Variants in AGFG1 observed in about 807,000 individuals in gnomAD.
AGFG1 encodes the protein ArfGAP with FG repeats 1.
In AGFG1, 10 loss-of-function variants were observed where a neutral mutation model predicts 60.6. The ratio of observed to expected loss-of-function variants is 0.16; its 90% confidence interval spans 0.10 to 0.28. The LOEUF (loss-of-function observed/expected upper bound fraction) is 0.28, where lower values mean the gene tolerates loss of function less well. AGFG1 is among the 10% of genes least tolerant of loss of function. AGFG1 has a pLI of 1.00. For missense variants in AGFG1, 537 were observed against 676.5 expected, an observed-to-expected ratio of 0.79 and a Z score of 2.29; for synonymous variants, 247 against 242.9, an observed-to-expected ratio of 1.02 and a Z score of -0.16.
intron 5 of AGFG1, among the ~76,000 whole-genome samples, chr2:227,525,710 T>C (rs938135364): frequency 6.6e-6 from 1 of 152,226 alleles, no homozygotes; most frequent in Non-Finnish European, 1.5e-5. Context: ...CAAGTTCCTA[T>C]GTTCTATTTC....
rs777830762 is a variant in AGFG1, at chr2:227,534,856, G to A, written c.1036G>A (p.Gly346Arg). 1 of 1,613,402 alleles carries A rather than the reference G, an allele frequency of 6.2e-7. No homozygotes were observed. The highest frequency in any genetic ancestry group is 8.5e-7 in the Non-Finnish European group (1 of 1,179,612). ...TTGTTCGTTCCCAGGTGGTGATCAG[G>A]GAAGTGGCTTTGGGACCACAGGTAA... ...IFSAGQGGDQ[G>R]SGFGTTGKAP... Residue 346 changes from glycine (G) to arginine (R), a missense_variant, in exon 8 of 13, where the codon GGA becomes AGA. Physicochemically the swap from Gly to Arg is moderately radical, Grantham distance 125. Coordinates refer to ENST00000310078, the MANE Select transcript of AGFG1 (RefSeq NM_004504.5).
At chr2:227,537,319 A>G (rs545105544) in intron 10 of AGFG1, among the ~76,000 whole-genome samples, 1 of 152,166 alleles carries the variant, frequency 6.6e-6, no homozygotes, top group Non-Finnish European at 1.5e-5. Flanking sequence ...ATTTAGATGT[A>G]TTTGGTGGTC....
At chr2:227,497,650 G>T (rs1691013557) in intron 2 of AGFG1, among the ~76,000 whole-genome samples, 1 of 150,742 alleles carries the variant, frequency 6.6e-6, no homozygotes, top group Non-Finnish European at 1.5e-5. Flanking sequence ...CATCTCTGTG[G>T]CATAATCTTG....
At chr2:227,528,596 T>C (rs556040572) in intron 5 of AGFG1, among the ~76,000 whole-genome samples, 1 of 152,350 alleles carries the variant, frequency 6.6e-6, no homozygotes, top group Admixed American at 6.5e-5. Flanking sequence ...TTAGGATTAT[T>C]GAAATGTAAT....
chr2:227,520,440 T>C (rs944078865), intron 3 of AGFG1, among the ~76,000 whole-genome samples: 1 of 152,240 alleles, frequency 6.6e-6, no homozygotes, highest in Admixed American at 6.5e-5. Context: ...TTGAGTTTCA[T>C]CTTCTGTATA....
chr2:227,482,309 A>T lies in AGFG1; in HGVS notation c.168-9238A>T, dbSNP rs553313725. ...CCAGAAACTCAGAATAACAATAGGG[A>T]TTTATATCATGCTTATTATTATATA... On this transcript the variant is annotated intron_variant, in intron 1 of 12. Coordinates refer to ENST00000310078, the MANE Select transcript of AGFG1 (RefSeq NM_004504.5). 1.4e-4 allele frequency among the ~76,000 whole-genome samples: 22 copies of T among 152,264 alleles called. No homozygotes were observed. The South Asian group carries it at 4.6e-3, about 32-fold the overall frequency.
At chr2:227,479,668 A>C (rs568458876) in intron 1 of AGFG1, among the ~76,000 whole-genome samples, 1 of 152,250 alleles carries the variant, frequency 6.6e-6, no homozygotes, top group East Asian at 1.9e-4. Flanking sequence ...TTTTTCCCCC[A>C]CTTGAATGTG....
chr2:227,484,702 T>TTTTTTTTTTTTTTTTTTTG (rs1690573692), intron 1 of AGFG1, among the ~76,000 whole-genome samples: 1 of 20,936 alleles, frequency 4.8e-5, no homozygotes, highest in Non-Finnish European at 1.0e-4. Flanking sequence ...TTTTTTTTTT[T>TTTTTTTTTTTTTTTTTTTG]TTTTTTTTTT....
chr2:227,474,752 G>C (rs1043670795), intron 1 of AGFG1, among the ~76,000 whole-genome samples: 2 of 152,306 alleles, frequency 1.3e-5, no homozygotes, highest in Non-Finnish European at 1.5e-5. Flanking sequence ...GACCTTTAAC[G>C]AGAAATTCTG....
At chr2:227,480,770 G>T (rs150369262) in intron 1 of AGFG1, among the ~76,000 whole-genome samples, 4 of 152,030 alleles carry the variant, frequency 2.6e-5, no homozygotes, top group African/African-American at 9.7e-5. Flanking sequence ...CAACATTTCC[G>T]TTAGCCTCCT....
chr2:227,549,808 A>G (rs1226984312), intron 10 of AGFG1, among the ~76,000 whole-genome samples: 8 of 152,164 alleles, frequency 5.3e-5, no homozygotes. Context: ...TGATTTCATC[A>G]CTGTTTCTTA....
chr2:227,498,421 A>G (rs1691047957), intron 2 of AGFG1, among the ~76,000 whole-genome samples: 1 of 152,206 alleles, frequency 6.6e-6, no homozygotes, highest in African/African-American at 2.4e-5. Context: ...GGGATATCTC[A>G]GGTTTAAAAC....
chr2:227,481,071 G>C (rs1690443101), intron 1 of AGFG1, among the ~76,000 whole-genome samples: 1 of 124,978 alleles, frequency 8.0e-6, no homozygotes, highest in South Asian at 2.6e-4. Flanking sequence ...AAGTATTTTG[G>C]TGTAGGTCTT....
intron 11 of AGFG1, 115 bp from the exon 12 acceptor site, chr2:227,553,589 C>A: frequency 9.3e-6 from 7 of 756,246 alleles, no homozygotes; most frequent in South Asian, 2.0e-5. Flanking sequence ...TTAACTTTAA[C>A]ATTTTATTTT....
intron 1 of AGFG1, among the ~76,000 whole-genome samples, chr2:227,474,767 A>G (rs547244416): frequency 6.6e-6 from 1 of 152,342 alleles, no homozygotes; most frequent in South Asian, 2.1e-4. Context: ...ATTCTGCTTC[A>G]TATGTTTGAA....
At chr2:227,478,825 A>C (rs1461021132) in intron 1 of AGFG1, among the ~76,000 whole-genome samples, 1 of 151,974 alleles carries the variant, frequency 6.6e-6, no homozygotes, top group Non-Finnish European at 1.5e-5. Context: ...GATTTTTATG[A>C]TTTTTCTCTC....
intron 10 of AGFG1, among the ~76,000 whole-genome samples, chr2:227,548,344 A>G (rs1692714811): frequency 6.6e-6 from 1 of 152,220 alleles, no homozygotes; most frequent in Non-Finnish European, 1.5e-5. Flanking sequence ...TAGTATGTGA[A>G]CTATATTTCA....
chr2:227,552,550 T>C (rs1357875265), intron 11 of AGFG1, among the ~76,000 whole-genome samples: 1 of 152,190 alleles, frequency 6.6e-6, no homozygotes, highest in East Asian at 1.9e-4. Flanking sequence ...AGTTAGAGTT[T>C]GTTATTTGAT....
At chr2:227,473,698 C>A (rs1024287421) in intron 1 of AGFG1, among the ~76,000 whole-genome samples, 3 of 152,062 alleles carry the variant, frequency 2.0e-5, no homozygotes, top group African/African-American at 7.2e-5. Flanking sequence ...ATTTTTAAAA[C>A]CTTTGCTTGT....
Sources: allele counts gnomAD v4.1 joint callset (sites outside exome capture counted in the v4.1 genomes callset), GRCh38; gene constraint gnomAD v4.1.1; transcripts MANE v1.5; gene names NCBI Gene and HGNC (gene_info 2026-07-23, HGNC 2026-07-21).